DIP2C: variants seen among roughly 807,000 people sequenced by gnomAD.
DIP2C encodes DIP2 acetate--CoA ligase C (putative), also known as disco-interacting protein 2 homolog C.
DIP2C carries 33 observed loss-of-function variants against 192.4 expected under a neutral mutation model. The observed-to-expected ratio is 0.17, with a 90% confidence interval of 0.13 to 0.23. The LOEUF (loss-of-function observed/expected upper bound fraction) is 0.23. DIP2C is among the 10% of genes least tolerant of loss of function. DIP2C has a pLI of 1.00. For synonymous variants in DIP2C, 979 were observed against 864.1 expected, an observed-to-expected ratio of 1.13 and a Z score of -2.33; for missense variants, 1,537 against 2,110.1, an observed-to-expected ratio of 0.73 and a Z score of 5.32.
intron 1 of DIP2C, among the ~76,000 whole-genome samples, chr10:526,961 C>T (rs1434657042): frequency 6.6e-6 from 1 of 152,160 alleles, no homozygotes; most frequent in Non-Finnish European, 1.5e-5. Context: ...GTTTAGAAAC[C>T]ACACACTTGC....
At chr10:679,470 A>G (rs1483134117) in intron 1 of DIP2C, among the ~76,000 whole-genome samples, 2 of 27,772 alleles carry the variant, frequency 7.2e-5, no homozygotes, top group Non-Finnish European at 1.2e-4. Flanking sequence ...CGTCCTCCCC[A>G]CACCCCTGCT....
At chr10:504,213 C>G (rs1845434417) in intron 1 of DIP2C, among the ~76,000 whole-genome samples, 2 of 152,226 alleles carry the variant, frequency 1.3e-5, no homozygotes, top group African/African-American at 4.8e-5. Flanking sequence ...CAATCACTGT[C>G]AAATCACTGT....
At chr10:541,535 C>T (rs1158858322) in intron 1 of DIP2C, among the ~76,000 whole-genome samples, 2 of 147,208 alleles carry the variant, frequency 1.4e-5, no homozygotes, top group African/African-American at 5.1e-5. Flanking sequence ...CCCATCTCTC[C>T]TCGACCCCAC....
chr10:389,988 C>T lies in DIP2C; in HGVS notation c.1597+3G>A. 6.2e-7 allele frequency: 1 copy of T among 1,611,180 alleles called. No homozygotes were observed. Among genetic ancestry groups the T allele is most frequent in the Non-Finnish European group, 8.5e-7 (1 of 1,178,572 alleles). On this transcript the variant is annotated splice_donor_region_variant and intron_variant, in intron 13 of 36. Transcript: ENST00000280886. Reference sequence around the variant, plus strand: ...CCCAAGGAGTCAGGGTCTGGCACCCCACCTTCCGTGTAGCCACACGCCTGC... The same window carrying T: ...CCCAAGGAGTCAGGGTCTGGCACCCTACCTTCCGTGTAGCCACACGCCTGC...
chr10:456,402 G>C (rs191768492), intron 3 of DIP2C, among the ~76,000 whole-genome samples: 418 of 146,630 alleles, frequency 2.9e-3, no homozygotes, highest in East Asian at 6.3e-3. Context: ...CCCTGCCTGA[G>C]GGGAGGCTGT....
chr10:390,923 C>CG lies in DIP2C; in HGVS notation c.1261-61dup, dbSNP rs914198529. On this transcript the variant is annotated intron_variant, in intron 10 of 36. Coordinates refer to ENST00000280886, the MANE Select transcript of DIP2C (RefSeq NM_014974.3). ...GACCTGCCCCACTCCGCCCAGCCTT[C>CG]GGCCCTCCCTCCAGCGTTCACACAG... is the stretch of plus-strand genomic sequence containing the variant. 25 of 1,593,772 alleles carry CG rather than the reference C, an allele frequency of 1.6e-5. No homozygotes were observed. In the African/African-American group the frequency reaches 1.7e-4, roughly 11 times the overall value.
At chr10:298,224 T>C (rs1248736565) in intron 32 of DIP2C, among the ~76,000 whole-genome samples, 1 of 152,220 alleles carries the variant, frequency 6.6e-6, no homozygotes. Context: ...GAAATGTCCC[T>C]GTTTTGCTGA....
intron 29 of DIP2C, among the ~76,000 whole-genome samples, chr10:330,511 A>G (rs1294188063): frequency 1.3e-5 from 2 of 152,214 alleles, no homozygotes; most frequent in Non-Finnish European, 2.9e-5. Flanking sequence ...TTTACAATTT[A>G]ATTAACGGGA....
chr10:393,286 A>ATT (rs1213730055), intron 10 of DIP2C, among the ~76,000 whole-genome samples: 1 of 152,244 alleles, frequency 6.6e-6, no homozygotes, highest in East Asian at 1.9e-4. Flanking sequence ...ATACTTAACT[A>ATT]CACGAATATG....
intron 2 of DIP2C, among the ~76,000 whole-genome samples, chr10:483,888 C>G: frequency 6.6e-6 from 1 of 152,162 alleles, no homozygotes; most frequent in East Asian, 1.9e-4. Context: ...ACAATCATAG[C>G]TCACTGCAGC....
At chr10:381,942 C>G (rs1045899623) in intron 17 of DIP2C, among the ~76,000 whole-genome samples, 2 of 152,216 alleles carry the variant, frequency 1.3e-5, no homozygotes, top group Admixed American at 6.5e-5. Flanking sequence ...CACAACTTCT[C>G]TGCAGGAGCC....
chr10:470,075 C>T (rs969151277), intron 3 of DIP2C, among the ~76,000 whole-genome samples: 4 of 151,752 alleles, frequency 2.6e-5, no homozygotes, highest in East Asian at 1.9e-4. Flanking sequence ...GGATGGTGGA[C>T]GTAAATGGAT....
chr10:542,071 A>C (rs1848022544), intron 1 of DIP2C, among the ~76,000 whole-genome samples: 1 of 151,948 alleles, frequency 6.6e-6, no homozygotes, highest in Non-Finnish European at 1.5e-5. Flanking sequence ...CCTACAACTG[A>C]CTGCACTCTC....
intron 10 of DIP2C, among the ~76,000 whole-genome samples, chr10:395,149 GGGGGGAGGGAGGAC>G (rs1963885782): frequency 6.0e-5 from 4 of 66,180 alleles, no homozygotes; most frequent in East Asian, 6.4e-4. Flanking sequence ...GGAGGAGATG[GGGGGGAGGGAGGAC>G]ATGGGGAGAT....
At chr10:442,914 C>G (rs1967863517) in intron 3 of DIP2C, among the ~76,000 whole-genome samples, 1 of 152,202 alleles carries the variant, frequency 6.6e-6, no homozygotes, top group African/African-American at 2.4e-5. Flanking sequence ...GATTTTTACC[C>G]TTCGTGAATC....
intron 29 of DIP2C, among the ~76,000 whole-genome samples, chr10:337,761 TGTGTGTTC>T (rs1957925505): frequency 5.3e-5 from 2 of 37,686 alleles, no homozygotes; most frequent in African/African-American, 9.0e-5. Flanking sequence ...CTGATGTGTG[TGTGTGTTC>T]TGTGAAGGCC....
At chr10:358,658 C>G (rs1177292109) in intron 22 of DIP2C, among the ~76,000 whole-genome samples, 1 of 996 alleles carries the variant, frequency 1.0e-3, no homozygotes, top group Non-Finnish European at 1.5e-3. Flanking sequence ...AGGTGGGGGA[C>G]GGGGGTGGGA....
chr10:671,240 G>A (rs1260867562), intron 1 of DIP2C, among the ~76,000 whole-genome samples: 3 of 152,242 alleles, frequency 2.0e-5, no homozygotes, highest in Admixed American at 6.5e-5. Context: ...AGAGAGAAGC[G>A]ACGGCCTCCA....
At chr10:307,884 G>A (rs1360962222) in intron 32 of DIP2C, among the ~76,000 whole-genome samples, 7 of 150,260 alleles carry the variant, frequency 4.7e-5, no homozygotes, top group East Asian at 2.0e-4. Context: ...GTGCCTGGGC[G>A]GGGCCCGGCA....
Sources: allele counts gnomAD v4.1 joint callset (sites outside exome capture counted in the v4.1 genomes callset), GRCh38; gene constraint gnomAD v4.1.1; transcripts MANE v1.5; gene names NCBI Gene and HGNC (gene_info 2026-07-23, HGNC 2026-07-21).